The following FGF10 variants were observed in gnomAD, a reference collection of about 807,000 sequenced individuals.
The protein encoded by FGF10 is FGF-10.
FGF10 carries 2 observed loss-of-function variants against 19.8 expected under a neutral mutation model. The observed-to-expected ratio is 0.10, with a 90% CI of 0.04 to 0.32. FGF10 has a LOEUF of 0.32. Ranked by LOEUF, FGF10 falls within the 10% of genes least tolerant of loss-of-function variation. The pLI, the probability that FGF10 is intolerant of heterozygous loss-of-function variation, is 1.00. For synonymous variants in FGF10, 112 were observed against 94.0 expected (o/e 1.19, Z -1.10); for missense variants, 191 against 246.3 (o/e 0.78, Z 1.50).
intron 1 of FGF10, among the ~76,000 whole-genome samples, chr5:44,334,872 T>C (rs557370309): frequency 6.6e-6 from 1 of 152,236 alleles, no homozygotes; most frequent in Admixed American, 6.5e-5. Flanking sequence ...TGATCATGAA[T>C]GTTGGGAGAA....
At chr5:44,368,263 A>G (rs1741664750) in intron 1 of FGF10, among the ~76,000 whole-genome samples, 1 of 152,116 alleles carries the variant, frequency 6.6e-6, no homozygotes, top group South Asian at 2.1e-4. Context: ...AAGACAATTG[A>G]TGGATGGCAT....
At chr5:44,348,030 A>G (rs1453300219) in intron 1 of FGF10, among the ~76,000 whole-genome samples, 1 of 151,730 alleles carries the variant, frequency 6.6e-6, no homozygotes, top group Non-Finnish European at 1.5e-5. Flanking sequence ...ACGATTTGCT[A>G]TAAAATGTAA....
In FGF10 at chr5:44,388,350, T is replaced by G. The variant is rs991153960; in HGVS notation, c.325+8A>C. On this transcript the variant is annotated splice_region_variant and intron_variant, in intron 1 of 2. Transcript: ENST00000264664. ...TTGGAAGGAGGGGAGCATGCATTTGTTACTTACTGTACGGGCAGTTCTCCT... is the reference window on the plus strand; with the variant it reads ...TTGGAAGGAGGGGAGCATGCATTTGGTACTTACTGTACGGGCAGTTCTCCT... The G allele has an allele frequency of 6.2e-7, 1 of 1,612,314 alleles. No individual in the cohort carries two copies. The highest frequency in any genetic ancestry group is 8.5e-7 in the Non-Finnish European group (1 of 1,179,488).
chr5:44,368,390 C>T (rs538462470), intron 1 of FGF10, among the ~76,000 whole-genome samples: 46 of 152,064 alleles, frequency 3.0e-4, no homozygotes, highest in Admixed American at 1.2e-3. Flanking sequence ...CCTCATACAA[C>T]ATAGCACCGC....
intron 1 of FGF10, among the ~76,000 whole-genome samples, chr5:44,321,894 TGA>T (rs1158900321): frequency 6.6e-6 from 1 of 152,104 alleles, no homozygotes; most frequent in Non-Finnish European, 1.5e-5. Flanking sequence ...CCCAAGTAGC[TGA>T]GATTATAGGG....
At chr5:44,339,763 T>G (rs1434394700) in intron 1 of FGF10, among the ~76,000 whole-genome samples, 1 of 152,150 alleles carries the variant, frequency 6.6e-6, no homozygotes, top group East Asian at 1.9e-4. Context: ...TTTGGTTAAA[T>G]TCTTCCCTTC....
At chr5:44,336,524 G>A (rs1400455490) in intron 1 of FGF10, among the ~76,000 whole-genome samples, 1 of 152,074 alleles carries the variant, frequency 6.6e-6, no homozygotes, top group Non-Finnish European at 1.5e-5. Flanking sequence ...GGGGAGAGGT[G>A]GAGAAGAACT....
chr5:44,382,359 C>A (rs548010869), intron 1 of FGF10, among the ~76,000 whole-genome samples: 1 of 152,132 alleles, frequency 6.6e-6, no homozygotes, highest in Non-Finnish European at 1.5e-5. Context: ...TTGAAACTTT[C>A]TATTTGTGTA....
chr5:44,385,481 T>C (rs899753396), intron 1 of FGF10, among the ~76,000 whole-genome samples: 1 of 152,154 alleles, frequency 6.6e-6, no homozygotes, highest in African/African-American at 2.4e-5. Flanking sequence ...AACAAAAACA[T>C]ATAACCTCTT....
intron 1 of FGF10, among the ~76,000 whole-genome samples, chr5:44,369,550 T>C (rs573661509): frequency 9.8e-4 from 149 of 152,244 alleles, no homozygotes; most frequent in African/African-American, 3.5e-3. Flanking sequence ...CCCCAGCTCT[T>C]CCTCATAAAT....
intron 1 of FGF10, among the ~76,000 whole-genome samples, chr5:44,372,276 A>T (rs1340627476): frequency 6.6e-6 from 1 of 152,138 alleles, no homozygotes; most frequent in African/African-American, 2.4e-5. Flanking sequence ...TTGAAAGCCA[A>T]CAGTGTAGCA....
chr5:44,310,596 C>T, intron 1 of FGF10, 66 bp from the exon 2 acceptor site: 1 of 1,194,334 alleles, frequency 8.4e-7, no homozygotes, highest in Admixed American at 1.9e-5. Flanking sequence ...AAAGTAAAAT[C>T]AAAAGAAACT....
Position 44,301,336 on chromosome 5 carries a change from A to G in FGF10, c.*3659T>C, listed in dbSNP as rs925917847. Among the ~76,000 whole-genome samples, 8 of 152,174 alleles carry G rather than the reference A, an allele frequency of 5.3e-5. No individual in the cohort carries two copies. Among genetic ancestry groups the G allele is most frequent in the African/African-American group, 1.7e-4 (7 of 41,454 alleles). On this transcript the variant is annotated 3_prime_UTR_variant, in exon 3 of 3. Coordinates refer to ENST00000264664, the MANE Select transcript of FGF10 (RefSeq NM_004465.2). ...ATATGAAAAAGGTAAATTTTACTTC[A>G]CTGAATAATCACAAACCTTGAATTG... is the stretch of plus-strand genomic sequence containing the variant.
At chr5:44,307,942 G>C (rs1237290252) in intron 2 of FGF10, among the ~76,000 whole-genome samples, 1 of 152,210 alleles carries the variant, frequency 6.6e-6, no homozygotes, top group Non-Finnish European at 1.5e-5. Context: ...AATTGGCTGA[G>C]CTTCTACCAG....
At chr5:44,344,689 C>T (rs1219558650) in intron 1 of FGF10, among the ~76,000 whole-genome samples, 1 of 149,158 alleles carries the variant, frequency 6.7e-6, no homozygotes, top group Non-Finnish European at 1.5e-5. Flanking sequence ...ACAAGTTTTC[C>T]TTCATGATGA....
In FGF10 at chr5:44,388,586, C is replaced by A. The variant is rs145373611; in HGVS notation, c.97G>T (p.Val33Phe). The A allele has an allele frequency of 6.2e-7, 1 of 1,613,988 alleles. No individual in the cohort carries two copies. Among genetic ancestry groups the A allele is most frequent in the Non-Finnish European group, 8.5e-7 (1 of 1,180,024 alleles). Residue 33 changes from valine to phenylalanine, a missense_variant, in exon 1 of 3, where the codon GTC becomes TTC. Coordinates refer to ENST00000264664, the MANE Select transcript of FGF10 (RefSeq NM_004465.2). ...CFLLLFLVSS[V>F]PVTCQALGQD... ...CCAAGGGCTTGGCAGGTGACAGGGA[C>A]GGAAGACACCAAGAACAGCAACAAA...
intron 1 of FGF10, among the ~76,000 whole-genome samples, chr5:44,359,355 C>G (rs1305262414): frequency 6.6e-6 from 1 of 151,426 alleles, no homozygotes; most frequent in Non-Finnish European, 1.5e-5. Flanking sequence ...TATTCTGAAT[C>G]CTACAGGGAA....
At chr5:44,312,483 G>A (rs1211698810) in intron 1 of FGF10, among the ~76,000 whole-genome samples, 1 of 151,964 alleles carries the variant, frequency 6.6e-6, no homozygotes, top group African/African-American at 2.4e-5. Context: ...TCCTACAAGG[G>A]AACCCTGTTG....
At chr5:44,310,318 T>C in intron 2 of FGF10, 109 bp downstream of exon 2, 1 of 749,226 alleles carries the variant, frequency 1.3e-6, no homozygotes, top group Non-Finnish European at 2.4e-6. Flanking sequence ...GTGGCTCTAT[T>C]TACTAGCAAT....
Sources: allele counts gnomAD v4.1 joint callset (sites outside exome capture counted in the v4.1 genomes callset), GRCh38; gene constraint gnomAD v4.1.1; transcripts MANE v1.5; gene names NCBI Gene and HGNC (gene_info 2026-07-23, HGNC 2026-07-21).